Variants in AURKC observed in about 807,000 individuals in gnomAD.
AURKC encodes the protein aurora kinase C, also known as ARK-3.
AURKC carries 15 observed loss-of-function variants against 29.2 expected under a neutral mutation model. The ratio of observed to expected loss-of-function variants is 0.51; its 90% CI spans 0.34 to 0.79. The LOEUF is 0.79. Among genes scored for constraint, AURKC ranks in the 30% least tolerant of loss-of-function variants. The probability of loss-of-function intolerance (pLI) is 0.01; values close to 1 mark genes in which losing one functional copy is unlikely to be tolerated. For missense variants in AURKC, 332 were observed against 383.2 expected (o/e 0.87, Z 1.12); for synonymous variants, 150 against 149.9 (o/e 1.00, Z -0.01).
rs778334991 is a variant in AURKC, at chr19:57,232,123, C to A, written c.195C>A (p.Ser65Arg). 1 of 1,614,088 alleles carries A rather than the reference C, an allele frequency of 6.2e-7. No individual in the cohort carries two copies. The highest frequency in any genetic ancestry group is 1.1e-5 in the South Asian group (1 of 91,078). Residue 65 changes from serine (S) to arginine (R), a missense_variant, in exon 3 of 7, where the codon AGC (serine) becomes AGA (arginine). By Grantham distance (110) the Ser-to-Arg change is moderately radical. Transcript: ENST00000302804. This position sits in a 1 kb window ranked among gnomAD's most constrained non-coding sequence, Gnocchi z 4.5. ...GNVYLARLKE[S>R]HFIVALKVLF... The stretch of plus-strand genomic sequence containing the variant: ...TGTACCTGGCTCGGCTCAAGGAAAG[C>A]CATTTCATTGTGGCCCTGAAGGTTC...
At chr19:57,231,582 C>A in intron 1 of AURKC, 160 bp from the exon 2 acceptor site, 1 of 823,420 alleles carries the variant, frequency 1.2e-6, no homozygotes, top group Non-Finnish European at 2.0e-6. Flanking sequence ...CTCCCTCCCC[C>A]TCTCCCTGCC....
Position 57,233,613 on chromosome 19 carries a change from G to A in AURKC, c.584+5G>A. On this transcript the variant is annotated splice_donor_5th_base_variant and intron_variant, in intron 5 of 6. Transcript: ENST00000302804. ...TGTGCACACCCCCTCCCTGAGGTAG[G>A]TCAGGTGGTGGTGGTAGGGTGAGTT... The A allele has an allele frequency of 6.2e-7, 1 of 1,613,568 alleles. No homozygotes were observed. Among genetic ancestry groups the A allele is most frequent in the Non-Finnish European group, 8.5e-7 (1 of 1,179,990 alleles).
chr19:57,231,081 C>T lies in AURKC; in HGVS notation c.-168C>T, dbSNP rs2087481187. The T allele has an allele frequency of 6.7e-7, 1 of 1,485,754 alleles. No individual in the cohort carries two copies. The highest frequency in any genetic ancestry group is 9.2e-7 in the Non-Finnish European group (1 of 1,086,156). 92.0% of individuals were successfully genotyped at this position (1,485,754 alleles called of 1,614,324 possible). A position where few individuals can be genotyped will look rare whatever the true frequency, so the allele number is the denominator to read the frequency against. ...GCAGCCACGGCTGCTCACGACGCCG[C>T]GGATCCCGAAGCCTGTGTAGCAGTG... On this transcript the variant is annotated 5_prime_UTR_variant, in exon 1 of 7. Coordinates refer to ENST00000302804, the MANE Select transcript of AURKC (RefSeq NM_001015878.2).
intron 4 of AURKC, 26 bp from the exon 5 acceptor site, chr19:57,233,434 A>G (rs979060652): frequency 1.2e-6 from 2 of 1,614,110 alleles, no homozygotes; most frequent in Non-Finnish European, 1.7e-6. Flanking sequence ...CTTCACTTCC[A>G]GGGTGACTTT....
At position 57,231,304 on chromosome 19, in the gene AURKC, AGT is replaced by A; in HGVS notation, c.58+2_58+3del. 1 of 1,552,970 alleles carries A rather than the reference AGT, an allele frequency of 6.4e-7. No individual in the cohort carries two copies. On this transcript the variant is annotated frameshift_variant and splice_region_variant, in exon 1 of 7. Coordinates refer to ENST00000302804, the MANE Select transcript of AURKC (RefSeq NM_001015878.2). LOFTEE classifies it high-confidence loss of function. Reference sequence around the variant, plus strand: ...GGCAAAGCTCAACCTGCAGGCGAAGAGTGTGAGAGCCAGCGCCAGAGAAAGGA... The same window carrying A: ...GGCAAAGCTCAACCTGCAGGCGAAGAGTGAGAGCCAGCGCCAGAGAAAGGA...
At chr19:57,234,557 A>G (rs1377463531) in intron 5 of AURKC, among the ~76,000 whole-genome samples, 2 of 152,176 alleles carry the variant, frequency 1.3e-5, no homozygotes, top group South Asian at 2.1e-4. Flanking sequence ...TTTTCTTACC[A>G]TAATTTATTT....
Position 57,233,743 on chromosome 19 carries a change from T to A in AURKC, c.584+135T>A. 3.3e-6 allele frequency: 4 copies of A among 1,229,778 alleles called. No individual in the cohort carries two copies. The Admixed American group carries it at 8.7e-5, about 27-fold the overall frequency. 76.2% of individuals were successfully genotyped at this position (1,229,778 alleles called of 1,614,324 possible). A position where few individuals can be genotyped will look rare whatever the true frequency, so the allele number is the denominator to read the frequency against. On this transcript the variant is annotated intron_variant, in intron 5 of 6. Transcript: ENST00000302804. Reference sequence around the variant, plus strand: ...CTATTGGAATACTGCCTTTTTCTTTTCTTTTCTTTTCTTTTTTTTTTTGAG... The same window carrying A: ...CTATTGGAATACTGCCTTTTTCTTTACTTTTCTTTTCTTTTTTTTTTTGAG...
rs532039464 is a variant in AURKC, at chr19:57,231,189, G to A, written c.-60G>A. 3 of 1,551,440 alleles carry A rather than the reference G, an allele frequency of 1.9e-6. No individual in the cohort carries two copies. The highest frequency in any genetic ancestry group is 1.4e-5 in the African/African-American group (1 of 73,116). ...CCCCCCACCCCTTTCAGGACCCTGT[G>A]AACGGGAACAGCCATCCAGAGGGTT... On this transcript the variant is annotated 5_prime_UTR_variant, in exon 1 of 7. Coordinates refer to ENST00000302804, the MANE Select transcript of AURKC (RefSeq NM_001015878.2).
At chr19:57,233,041 G>T (rs950647207) in intron 4 of AURKC, among the ~76,000 whole-genome samples, 1 of 152,198 alleles carries the variant, frequency 6.6e-6, no homozygotes, top group Non-Finnish European at 1.5e-5. Flanking sequence ...GATTTCTAGA[G>T]GGTTCCGGAA....
At position 57,232,347 on chromosome 19, in the gene AURKC, T is replaced by C; in HGVS notation, c.296+123T>C. 7.1e-7 allele frequency: 1 copy of C among 1,407,802 alleles called. No homozygotes were observed. Among genetic ancestry groups the C allele is most frequent in the Non-Finnish European group, 9.8e-7 (1 of 1,016,704 alleles). 87.2% of individuals were successfully genotyped at this position (1,407,802 alleles called of 1,614,324 possible). On this transcript the variant is annotated intron_variant, in intron 3 of 6. Coordinates refer to ENST00000302804, the MANE Select transcript of AURKC (RefSeq NM_001015878.2). This position sits in a 1 kb window ranked among gnomAD's most constrained non-coding sequence, Gnocchi z 4.5. The stretch of plus-strand genomic sequence containing the variant: ...AGACTTCTCTGCAGTTCATTCCATT[T>C]ACACTACCTCCTACCCTGGGTCAGA...
intron 5 of AURKC, 76 bp from the exon 6 acceptor site, chr19:57,234,808 T>G: frequency 6.3e-7 from 1 of 1,580,654 alleles, no homozygotes; most frequent in African/African-American, 1.3e-5. Flanking sequence ...CACATCTCAA[T>G]GAAAGCTGGG....
Position 57,231,744 on chromosome 19 carries a change from G to T in AURKC, c.61G>T (p.Ala21Ser). 1 of 1,613,226 alleles carries T rather than the reference G, an allele frequency of 6.2e-7. No individual in the cohort carries two copies. The highest frequency in any genetic ancestry group is 1.1e-5 in the South Asian group (1 of 91,040). The change falls in exon 2 of 7, where the codon GCT (alanine) becomes TCT (serine). Residue 21 changes from alanine (A) to serine (S), a missense_variant and splice_region_variant. Ala to Ser is a moderately conservative substitution (Grantham distance 99, BLOSUM62 1). Coordinates refer to ENST00000302804, the MANE Select transcript of AURKC (RefSeq NM_001015878.2). The part of the protein sequence containing the change: ...GKAQPAGEEL[A>S]TANQTAQQPS... ...TCCCTCCTCCTCCTCTCTTTCAGTG[G>T]CTACAGCAAACCAAACAGCCCAGCA...
Position 57,235,041 on chromosome 19 carries a change from T to TA in AURKC, c.743dup (p.Tyr248Ter), listed in dbSNP as rs758885205. The TA allele has an allele frequency of 1.2e-6, 2 of 1,614,130 alleles. No homozygotes were observed. The highest frequency in any genetic ancestry group is 2.2e-5 in the South Asian group (2 of 91,080). The change falls in exon 6 of 7, where the codon TAC becomes TAAC. Residue 248 changes from tyrosine to a stop codon, truncating the protein, a stop_gained and frameshift_variant. Coordinates refer to ENST00000302804, the MANE Select transcript of AURKC (RefSeq NM_001015878.2). LOFTEE classifies it low-confidence loss of function (END_TRUNC). ...TGAGAGCGCCTCCCACAGTGAGACTTACAGACGCATCCTCAAGGTGGGACA... is the reference window on the plus strand; with the variant it reads ...TGAGAGCGCCTCCCACAGTGAGACTTAACAGACGCATCCTCAAGGTGGGACA... ...PFESASHSET[Y>*]RRILKVDVRF...
chr19:57,233,913 G>T (rs1417923216), intron 5 of AURKC, among the ~76,000 whole-genome samples: 1 of 150,892 alleles, frequency 6.6e-6, no homozygotes, highest in Non-Finnish European at 1.5e-5. Context: ...TGTATTTTTA[G>T]TAGAGACAGG....
chr19:57,235,237 G>T lies in AURKC; in HGVS notation c.760-10G>T. The T allele has an allele frequency of 6.2e-7, 1 of 1,614,188 alleles. No individual in the cohort carries two copies. Among genetic ancestry groups the T allele is most frequent in the South Asian group, 1.1e-5 (1 of 91,082 alleles). On this transcript the variant is annotated splice_polypyrimidine_tract_variant and intron_variant, in intron 6 of 6. Transcript: ENST00000302804. ...CCAGACTTCTCTTTCTTCTTTCCTG[G>T]CCTCATCAGGTAGATGTGAGGTTTC...
chr19:57,234,765 T>TGG, intron 5 of AURKC, 119 bp from the exon 6 acceptor site: 1 of 1,238,960 alleles, frequency 8.1e-7, no homozygotes, highest in Admixed American at 2.0e-5. Flanking sequence ...CTCCTGTGCT[T>TGG]GGGAGGGACT....
chr19:57,231,965 G>A (rs1195609613), intron 2 of AURKC, 68 bp from the exon 3 acceptor site: 51 of 1,606,424 alleles, frequency 3.2e-5, no homozygotes, highest in Non-Finnish European at 4.2e-5. Flanking sequence ...GGGAGCATTG[G>A]CATCCCTGAC....
At chr19:57,231,690 TCTC>T in intron 1 of AURKC, 49 bp from the exon 2 acceptor site, 3 of 1,601,764 alleles carry the variant, frequency 1.9e-6, no homozygotes, top group East Asian at 4.5e-5. Context: ...TCTCTCCCCT[TCTC>T]CTTCCCTCCC....
In AURKC at chr19:57,231,163, A is replaced by G. The variant is rs1224031193; in HGVS notation, c.-86A>G. Reference sequence around the variant, plus strand: ...TTGGAAGCGCCCCGGCCAGAAAGTGACCCCCCACCCCTTTCAGGACCCTGT... The same window carrying G: ...TTGGAAGCGCCCCGGCCAGAAAGTGGCCCCCCACCCCTTTCAGGACCCTGT... On this transcript the variant is annotated 5_prime_UTR_variant, in exon 1 of 7. Coordinates refer to ENST00000302804, the MANE Select transcript of AURKC (RefSeq NM_001015878.2). The G allele has an allele frequency of 6.5e-7, 1 of 1,547,406 alleles. No homozygotes were observed. The highest frequency in any genetic ancestry group is 8.7e-7 in the Non-Finnish European group (1 of 1,144,500).
Sources: allele counts gnomAD v4.1 joint callset (sites outside exome capture counted in the v4.1 genomes callset), GRCh38; gene constraint gnomAD v4.1.1; non-coding constraint Gnocchi (gnomAD v3.1); transcripts MANE v1.5; gene names NCBI Gene and HGNC (gene_info 2026-07-23, HGNC 2026-07-21).